The following CFAP61 variants were observed in gnomAD, a reference collection of about 807,000 sequenced individuals.
CFAP61 encodes the protein cilia- and flagella-associated protein 61.
In CFAP61, 107 loss-of-function variants were observed where a neutral mutation model predicts 135.6. The ratio of observed to expected loss-of-function variants is 0.79; its 90% CI spans 0.67 to 0.93. The LOEUF (loss-of-function observed/expected upper bound fraction) is 0.93. CFAP61 is among the 40% of genes least tolerant of loss of function. CFAP61 has a pLI of 0.00. For synonymous variants in CFAP61, 575 were observed against 578.5 expected, an observed-to-expected ratio of 0.99 and a Z score of 0.09; for missense variants, 1,507 against 1,556.2, an observed-to-expected ratio of 0.97 and a Z score of 0.53.
At chr20:20,291,958 AC>A (rs1210275122) in intron 24 of CFAP61, among the ~76,000 whole-genome samples, 1 of 152,222 alleles carries the variant, frequency 6.6e-6, no homozygotes, top group Non-Finnish European at 1.5e-5. Flanking sequence ...AATATGACCA[AC>A]CTAAAATAAA....
At chr20:20,197,356 T>C in intron 16 of CFAP61, among the ~76,000 whole-genome samples, 1 of 152,208 alleles carries the variant, frequency 6.6e-6, no homozygotes, top group South Asian at 2.1e-4. Context: ...ACATGGTGTG[T>C]ATGTGCATGC....
chr20:20,289,011 G>A, intron 23 of CFAP61, 75 bp downstream of exon 23: 1 of 1,236,150 alleles, frequency 8.1e-7, no homozygotes, highest in South Asian at 1.5e-5. Flanking sequence ...CAGTCCTCCA[G>A]GTTTCTCTTA....
intron 8 of CFAP61, among the ~76,000 whole-genome samples, chr20:20,123,971 G>GTT (rs35528584): frequency 0.11 from 7,425 of 65,202 alleles, 987 homozygotes; most frequent in Non-Finnish European, 0.14. Context: ...ATATTCCTAA[G>GTT]TTTTTTTTTT....
rs6046586 is a variant in CFAP61, at chr20:20,063,329, T to G, written c.143+6533T>G. Among the ~76,000 whole-genome samples the G allele has an allele frequency of 7.4e-3, 1,130 of 152,046 alleles. 14 individuals are homozygous for G. The highest frequency in any genetic ancestry group is 0.026 in the African/African-American group (1,086 of 41,480). ...CACATAGAAAGAGAAATGAAATTAA[T>G]GTTCATGCCTTGCTCATGAACATGG... On this transcript the variant is annotated intron_variant, in intron 2 of 26. Transcript: ENST00000245957.
At chr20:20,069,913 C>T (rs1242047165) in intron 2 of CFAP61, 1 of 290,004 alleles carries the variant, frequency 3.4e-6, no homozygotes, top group East Asian at 9.5e-5. Flanking sequence ...TAACTGCTGC[C>T]TTCTTTGTGT....
intron 18 of CFAP61, among the ~76,000 whole-genome samples, chr20:20,237,051 T>G (rs2049648399): frequency 1.3e-5 from 2 of 152,206 alleles, no homozygotes; most frequent in Non-Finnish European, 2.9e-5. Context: ...AACTCCCAAA[T>G]TTTATTCTTA....
At chr20:20,126,568 T>G (rs2050080411) in intron 8 of CFAP61, among the ~76,000 whole-genome samples, 1 of 151,928 alleles carries the variant, frequency 6.6e-6, no homozygotes, top group Non-Finnish European at 1.5e-5. Flanking sequence ...CTTATAGGGT[T>G]TCTGCTGAGA....
chr20:20,177,451 C>T (rs982271332), intron 13 of CFAP61, among the ~76,000 whole-genome samples: 1 of 151,910 alleles, frequency 6.6e-6, no homozygotes, highest in Non-Finnish European at 1.5e-5. Context: ...CACCCTCCCT[C>T]CATCCTGAAA....
rs74173354 is a variant in CFAP61, at chr20:20,221,925, A to T, written c.1933-6324A>T. The T allele has an allele frequency of 3.3e-4, 51 of 152,282 alleles. 1 individual carries two copies. Among genetic ancestry groups the T allele is most frequent in the African/African-American group, 1.2e-3 (50 of 41,546 alleles). The allele number at this position is 152,282 out of a possible 1,614,324, so 9.4% of individuals were successfully genotyped here. A position where few individuals can be genotyped will look rare whatever the true frequency, so the allele number is the denominator to read the frequency against. On this transcript the variant is annotated intron_variant, in intron 17 of 26. Coordinates refer to ENST00000245957, the MANE Select transcript of CFAP61 (RefSeq NM_015585.4). Reference sequence around the variant, plus strand: ...TGAAGACATTGTCAGAAGCACTTAAACTCAACACATATTGTGCGTATAATG... The same window carrying T: ...TGAAGACATTGTCAGAAGCACTTAATCTCAACACATATTGTGCGTATAATG...
intron 17 of CFAP61, among the ~76,000 whole-genome samples, chr20:20,217,813 G>T (rs116794120): frequency 1.3e-3 from 195 of 152,280 alleles, no homozygotes; most frequent in African/African-American, 4.3e-3. Flanking sequence ...CTCCCTTTGT[G>T]TCTCCCTCTG....
chr20:20,137,373 T>C (rs1018422329), intron 8 of CFAP61, among the ~76,000 whole-genome samples: 6 of 152,108 alleles, frequency 3.9e-5, no homozygotes, highest in African/African-American at 1.4e-4. Context: ...CCAGAGATGC[T>C]GTCTGGGAGC....
At chr20:20,356,116 T>C (rs1455676059) in intron 26 of CFAP61, among the ~76,000 whole-genome samples, 1 of 3,670 alleles carries the variant, frequency 2.7e-4, no homozygotes, top group African/African-American at 3.9e-4. Context: ...GTGGTCACAC[T>C]GAGGGGAGGT....
intron 17 of CFAP61, among the ~76,000 whole-genome samples, chr20:20,217,742 G>C (rs774282193): frequency 6.6e-6 from 1 of 152,132 alleles, no homozygotes; most frequent in African/African-American, 2.4e-5. Flanking sequence ...AAGGGAGGTC[G>C]TGGTGTGGAC....
intron 8 of CFAP61, among the ~76,000 whole-genome samples, chr20:20,117,487 A>G (rs2049241407): frequency 6.6e-6 from 1 of 152,182 alleles, no homozygotes. Context: ...TTTGGTTACT[A>G]TCTCTTTGTA....
chr20:20,316,526 T>A (rs1391305225), intron 25 of CFAP61, among the ~76,000 whole-genome samples: 1 of 150,724 alleles, frequency 6.6e-6, no homozygotes, highest in Non-Finnish European at 1.5e-5. Flanking sequence ...TTGAATACCC[T>A]TTATTTCCTT....
intron 26 of CFAP61, among the ~76,000 whole-genome samples, chr20:20,352,607 T>C (rs986744871): frequency 2.0e-5 from 3 of 152,098 alleles, no homozygotes; most frequent in African/African-American, 7.2e-5. Flanking sequence ...CTCCAATAAA[T>C]GGTATTGGGA....
rs1178655018 is a variant in CFAP61, at chr20:20,129,306, T to A, written c.860-13551T>A. Among the ~76,000 whole-genome samples, 3 of 151,860 alleles carry A rather than the reference T, an allele frequency of 2.0e-5. 1 individual carries two copies. Among genetic ancestry groups the A allele is most frequent in the African/African-American group, 7.3e-5 (3 of 41,128 alleles). On this transcript the variant is annotated intron_variant, in intron 8 of 26. Coordinates refer to ENST00000245957, the MANE Select transcript of CFAP61 (RefSeq NM_015585.4). ...TTTATTTGGGAAAGCCTTTTATCTT[T>A]CCTTCATATTTAAAGGACAAGTTTG... is the stretch of plus-strand genomic sequence containing the variant.
chr20:20,071,022 G>T lies in CFAP61; in HGVS notation c.294+18G>T. 1 of 1,610,054 alleles carries T rather than the reference G, an allele frequency of 6.2e-7. No individual in the cohort carries two copies. Among genetic ancestry groups the T allele is most frequent in the Non-Finnish European group, 8.5e-7 (1 of 1,178,238 alleles). Reference sequence around the variant, plus strand: ...CATGCACAGTAAGAAATCACATACAGTGCTTGTTAGAACACCCTGAATCTT... The same window carrying T: ...CATGCACAGTAAGAAATCACATACATTGCTTGTTAGAACACCCTGAATCTT... On this transcript the variant is annotated intron_variant, in intron 3 of 26. Coordinates refer to ENST00000245957, the MANE Select transcript of CFAP61 (RefSeq NM_015585.4).
At chr20:20,226,906 TG>T in intron 17 of CFAP61, among the ~76,000 whole-genome samples, 1 of 152,300 alleles carries the variant, frequency 6.6e-6, no homozygotes, top group East Asian at 1.9e-4. Context: ...AAATTAAAGG[TG>T]GGAGTTGTAG....
Sources: gnomAD v4.1 joint callset for allele counts (sites outside exome capture counted in the v4.1 genomes callset) on GRCh38, gnomAD v4.1.1 for gene constraint, MANE v1.5 for transcripts, NCBI Gene and HGNC (gene_info 2026-07-23, HGNC 2026-07-21) for gene names.